The following REEP3 variants were observed in gnomAD, a reference collection of about 807,000 sequenced individuals.
The protein encoded by REEP3 is receptor expression-enhancing protein 3.
Under a neutral mutation model 41.3 loss-of-function variants are expected in REEP3, and 20 were observed. That is an observed-to-expected ratio of 0.48 (90% confidence interval 0.34 to 0.70). REEP3 has a LOEUF of 0.70. REEP3 is among the 30% of genes least tolerant of loss of function. REEP3 has a pLI of 0.01. For synonymous variants in REEP3, 104 were observed against 101.8 expected (o/e 1.02, Z -0.13); for missense variants, 271 against 308.8 (o/e 0.88, Z 0.92).
chr10:63,600,469 G>T (rs1034715512), intron 5 of REEP3, among the ~76,000 whole-genome samples: 2 of 152,016 alleles, frequency 1.3e-5, no homozygotes, highest in African/African-American at 4.8e-5. Context: ...GCTTTTAAAG[G>T]CTTTTTCTTT....
chr10:63,619,659 T>C lies in REEP3; in HGVS notation c.570T>C (p.Tyr190=), dbSNP rs765173870. The change falls in exon 7 of 8, where the codon TAT becomes TAC. Residue 190 remains tyrosine, a synonymous_variant. Transcript: ENST00000373758. ...TGTTTTTGACAACTTGTTTAGGTTATGGAATTCCACTGAAAGACGGAGATG... is the reference window on the plus strand; with the variant it reads ...TGTTTTTGACAACTTGTTTAGGTTACGGAATTCCACTGAAAGACGGAGATG... ...SKPAPSESAG[Y]GIPLKDGDEK... 2.5e-6 allele frequency: 4 copies of C among 1,599,630 alleles called. No homozygotes were observed. The highest frequency in any genetic ancestry group is 3.4e-6 in the Non-Finnish European group (4 of 1,172,726).
chr10:63,610,386 G>A, intron 6 of REEP3, 52 bp downstream of exon 6: 3 of 1,514,800 alleles, frequency 2.0e-6, no homozygotes, highest in Non-Finnish European at 2.7e-6. Context: ...ACAGGGAGGG[G>A]AACAACATAC....
chr10:63,533,992 C>A (rs1407096226), intron 1 of REEP3, among the ~76,000 whole-genome samples: 2 of 151,680 alleles, frequency 1.3e-5, no homozygotes, highest in Non-Finnish European at 2.9e-5. Context: ...GCAGACATGA[C>A]CCACCGCGCT....
rs1301624129 is a variant in REEP3, at chr10:63,620,967, T to C, written c.*98T>C. 2 of 700,388 alleles carry C rather than the reference T, an allele frequency of 2.9e-6. No individual in the cohort carries two copies. The highest frequency in any genetic ancestry group is 1.8e-5 in the African/African-American group (1 of 54,830). The allele number at this position is 700,388 out of a possible 1,614,324, so 43.4% of individuals were successfully genotyped here. On this transcript the variant is annotated 3_prime_UTR_variant, in exon 8 of 8. Transcript: ENST00000373758. ...CAGGATTTACACATTAAAATGATTATTTAAATTGTGGCAGTGATGGGGTTT... is the reference window on the plus strand; with the variant it reads ...CAGGATTTACACATTAAAATGATTACTTAAATTGTGGCAGTGATGGGGTTT...
intron 1 of REEP3, among the ~76,000 whole-genome samples, chr10:63,564,583 A>G (rs1005722740): frequency 3.3e-5 from 5 of 151,950 alleles, no homozygotes; most frequent in African/African-American, 4.8e-5. Flanking sequence ...ATGTCACACC[A>G]CTGCACTCCA....
chr10:63,546,861 T>C (rs898385743), intron 1 of REEP3, among the ~76,000 whole-genome samples: 1 of 152,138 alleles, frequency 6.6e-6, no homozygotes, highest in East Asian at 1.9e-4. Flanking sequence ...TAAATTCCAG[T>C]TGGATCACAG....
At chr10:63,545,328 C>T (rs560146738) in intron 1 of REEP3, among the ~76,000 whole-genome samples, 1 of 152,274 alleles carries the variant, frequency 6.6e-6, no homozygotes, top group South Asian at 2.1e-4. Context: ...CTGTGTATTA[C>T]TGTTAACTAT....
intron 1 of REEP3, among the ~76,000 whole-genome samples, chr10:63,536,494 G>T (rs1207332146): frequency 6.6e-6 from 1 of 152,114 alleles, no homozygotes; most frequent in Non-Finnish European, 1.5e-5. Context: ...AACTCATATT[G>T]CTGTTTTCTC....
intron 6 of REEP3, among the ~76,000 whole-genome samples, chr10:63,616,404 A>G (rs1229918816): frequency 6.6e-6 from 1 of 152,222 alleles, no homozygotes; most frequent in African/African-American, 2.4e-5. Flanking sequence ...AGAAAAAGAC[A>G]GCTGTGTCTT....
At chr10:63,557,269 G>A (rs1955696982) in intron 1 of REEP3, among the ~76,000 whole-genome samples, 1 of 152,156 alleles carries the variant, frequency 6.6e-6, no homozygotes, top group South Asian at 2.1e-4. Flanking sequence ...AGTATTTCTA[G>A]TATTTCCACC....
chr10:63,548,848 C>T (rs1369287301), intron 1 of REEP3, among the ~76,000 whole-genome samples: 1 of 152,120 alleles, frequency 6.6e-6, no homozygotes, highest in African/African-American at 2.4e-5. Flanking sequence ...TACTTGATAA[C>T]ATGGTCAACC....
chr10:63,615,059 G>A (rs1956301960), intron 6 of REEP3, among the ~76,000 whole-genome samples: 1 of 152,024 alleles, frequency 6.6e-6, no homozygotes, highest in Admixed American at 6.6e-5. Flanking sequence ...TTAATGATAT[G>A]AAAACATATC....
chr10:63,557,597 T>C (rs1332075202), intron 1 of REEP3, among the ~76,000 whole-genome samples: 1 of 152,180 alleles, frequency 6.6e-6, no homozygotes, highest in Non-Finnish European at 1.5e-5. Flanking sequence ...TGTTGCAGGG[T>C]TGGGGACCAG....
At chr10:63,537,951 C>CT (rs1032466092) in intron 1 of REEP3, among the ~76,000 whole-genome samples, 9 of 151,080 alleles carry the variant, frequency 6.0e-5, no homozygotes, top group Middle Eastern at 3.4e-3. Flanking sequence ...TAAAAGCTTT[C>CT]TTCCCCCCCC....
rs1956350401 is a variant in REEP3 at position 63,621,130 on chromosome 10, C to G, written c.*261C>G. 3.3e-6 allele frequency: 1 copy of G among 307,598 alleles called. No individual in the cohort carries two copies. The highest frequency in any genetic ancestry group is 2.2e-5 in the African/African-American group (1 of 46,008). The allele number at this position is 307,598 out of a possible 1,614,324, so 19.1% of individuals were successfully genotyped here. ...TCATGTTGTCCGTTTTCAAATTCAT[C>G]AACAGCCTAGAGTGCCTGAGATATA... On this transcript the variant is annotated 3_prime_UTR_variant, in exon 8 of 8. Coordinates refer to ENST00000373758, the MANE Select transcript of REEP3 (RefSeq NM_001001330.3).
At chr10:63,574,234 A>G (rs983902657) in intron 2 of REEP3, among the ~76,000 whole-genome samples, 8 of 152,194 alleles carry the variant, frequency 5.3e-5, no homozygotes, top group South Asian at 2.1e-4. Context: ...CAGTTACCCA[A>G]TGCCACTATA....
intron 3 of REEP3, 105 bp from the exon 4 acceptor site, chr10:63,597,919 A>C (rs1396383766): frequency 1.3e-5 from 14 of 1,050,310 alleles, no homozygotes; most frequent in East Asian, 2.6e-5. Flanking sequence ...AAAAAAAAAA[A>C]ACAAAAAACA....
At chr10:63,549,448 A>G (rs1955607967) in intron 1 of REEP3, among the ~76,000 whole-genome samples, 1 of 152,102 alleles carries the variant, frequency 6.6e-6, no homozygotes, top group Non-Finnish European at 1.5e-5. Flanking sequence ...CTCGCCTGTC[A>G]TCCTAGTTGT....
intron 1 of REEP3, among the ~76,000 whole-genome samples, chr10:63,564,917 T>A (rs1193584635): frequency 2.6e-5 from 4 of 152,156 alleles, no homozygotes; most frequent in Admixed American, 2.6e-4. Flanking sequence ...CATGGAATTG[T>A]TTACATAAAG....
Sources: gnomAD v4.1 joint callset for allele counts (sites outside exome capture counted in the v4.1 genomes callset) on GRCh38, gnomAD v4.1.1 for gene constraint, MANE v1.5 for transcripts, NCBI Gene and HGNC (gene_info 2026-07-23, HGNC 2026-07-21) for gene names.